KBTBD12: variants seen among roughly 807,000 people sequenced by gnomAD.
KBTBD12 encodes kelch repeat and BTB domain containing 12.
In KBTBD12, 53 loss-of-function variants were observed where a neutral mutation model predicts 58.7. The observed-to-expected ratio is 0.90, with a 90% CI of 0.72 to 1.14. The LOEUF (loss-of-function observed/expected upper bound fraction) is 1.14. Among genes scored for constraint, KBTBD12 ranks in the 50% most tolerant of loss-of-function variants. The pLI, the probability that KBTBD12 is intolerant of heterozygous loss-of-function variation, is 0.00. For missense variants in KBTBD12, 704 were observed against 751.3 expected (o/e 0.94, Z 0.74); for synonymous variants, 236 against 259.8 (o/e 0.91, Z 0.88).
rs138094704 is a variant in KBTBD12, at chr3:127,983,931, A to C, written c.1691-166A>C. ...CAGCCACCAGAATCGTGAGCCAAGTAAATGTCTTTTCTTGATAAACTACCC... is the reference window on the plus strand; with the variant it reads ...CAGCCACCAGAATCGTGAGCCAAGTCAATGTCTTTTCTTGATAAACTACCC... On this transcript the variant is annotated intron_variant, in intron 5 of 5. Transcript: ENST00000405109. 2.9e-4 allele frequency among the ~76,000 whole-genome samples: 44 copies of C among 152,264 alleles called. 1 individual carries two copies. Among genetic ancestry groups the C allele is most frequent in the African/African-American group, 1.0e-3 (42 of 41,544 alleles).
chr3:127,972,160 C>G (rs994160323), intron 5 of KBTBD12, among the ~76,000 whole-genome samples: 2 of 152,204 alleles, frequency 1.3e-5, no homozygotes, highest in Non-Finnish European at 2.9e-5. Flanking sequence ...TTATTTGATT[C>G]TCTCAACAGC....
At chr3:127,962,591 C>T (rs1940465739) in intron 4 of KBTBD12, among the ~76,000 whole-genome samples, 1 of 152,192 alleles carries the variant, frequency 6.6e-6, no homozygotes, top group Non-Finnish European at 1.5e-5. Context: ...CATTGCCTTA[C>T]ATATAATAGG....
chr3:127,917,487 C>T (rs1939278262), intron 1 of KBTBD12, among the ~76,000 whole-genome samples: 1 of 152,170 alleles, frequency 6.6e-6, no homozygotes, highest in Non-Finnish European at 1.5e-5. Flanking sequence ...GGCTTCATTA[C>T]ATAGGCATGC....
chr3:127,984,433 T>TG lies in KBTBD12; in HGVS notation c.*159dup. On this transcript the variant is annotated 3_prime_UTR_variant, in exon 6 of 6. Transcript: ENST00000405109. ...TGTGCTGGGCACTGGGTGGGGAGCA[T>TG]GGGGAGTCTCCCTTCAGGGACTTCC... 1 of 672,854 alleles carries TG rather than the reference T, an allele frequency of 1.5e-6. No homozygotes were observed. Among genetic ancestry groups the TG allele is most frequent in the Non-Finnish European group, 2.5e-6 (1 of 407,620 alleles). 41.7% of individuals were successfully genotyped at this position (672,854 alleles called of 1,614,324 possible).
Position 127,984,555 on chromosome 3 carries a change from C to A in KBTBD12, c.*277C>A. The A allele has an allele frequency of 3.1e-6, 1 of 318,642 alleles. No individual in the cohort carries two copies. The highest frequency in any genetic ancestry group is 4.8e-5 in the South Asian group (1 of 20,940). The allele number at this position is 318,642 out of a possible 1,614,324, so 19.7% of individuals were successfully genotyped here. A position where few individuals can be genotyped will look rare whatever the true frequency, so the allele number is the denominator to read the frequency against. On this transcript the variant is annotated 3_prime_UTR_variant, in exon 6 of 6. Coordinates refer to ENST00000405109, the MANE Select transcript of KBTBD12 (RefSeq NM_207335.4). ...GGAGAGCAGCAGAGGGAGGGTCTCA[C>A]TCTGCTGGGGACCCATGAACAGCAC...
At position 127,923,699 on chromosome 3, in the gene KBTBD12, T is replaced by C. The variant is rs1318133707; in HGVS notation, c.638T>C (p.Leu213Pro). The C allele has an allele frequency of 6.2e-7, 1 of 1,613,900 alleles. No homozygotes were observed. Among genetic ancestry groups the C allele is most frequent in the Non-Finnish European group, 8.5e-7 (1 of 1,179,834 alleles). ...AACAAAGAATTGCGTACAGTGCATC[T>C]TGTTGAGCTTTTGAAGCAAGTCAGA... Reference protein sequence around the residue: ...NHNKELRTVHLVELLKQVRLE... With the variant: ...NHNKELRTVHPVELLKQVRLE... The change falls in exon 2 of 6, where the codon CTT becomes CCT. Residue 213 changes from leucine to proline, a missense_variant. By Grantham distance (98) the Leu-to-Pro change is moderately conservative. Coordinates refer to ENST00000405109, the MANE Select transcript of KBTBD12 (RefSeq NM_207335.4).
In KBTBD12 at chr3:127,928,009, A is replaced by G. The variant is rs1939617461; in HGVS notation, c.1316A>G (p.Tyr439Cys). Residue 439 changes from tyrosine to cysteine, a missense_variant, in exon 3 of 6, where the codon TAT becomes TGT. Tyr to Cys is a radical substitution (Grantham distance 194). Coordinates refer to ENST00000405109, the MANE Select transcript of KBTBD12 (RefSeq NM_207335.4). The stretch of plus-strand genomic sequence containing the variant: ...GTAGTGACAGTGAATAATAAACTTT[A>G]TGTAATTGGAGGCTGGACCCCTCAG... ...HAVVTVNNKLYVIGGWTPQMD... is the reference protein window; with the variant it reads ...HAVVTVNNKLCVIGGWTPQMD... 1 of 1,613,464 alleles carries G rather than the reference A, an allele frequency of 6.2e-7. No homozygotes were observed. The highest frequency in any genetic ancestry group is 1.1e-5 in the South Asian group (1 of 91,060).
At chr3:127,957,284 T>C (rs1284730155) in intron 4 of KBTBD12, among the ~76,000 whole-genome samples, 1 of 152,234 alleles carries the variant, frequency 6.6e-6, no homozygotes, top group African/African-American at 2.4e-5. Flanking sequence ...ATTTCACAAA[T>C]ACTGTCAAGC....
chr3:127,953,789 A>T (rs1287638439), intron 4 of KBTBD12, among the ~76,000 whole-genome samples: 2 of 152,204 alleles, frequency 1.3e-5, no homozygotes, highest in Non-Finnish European at 2.9e-5. Flanking sequence ...AAAGGAATAG[A>T]TATGGCCAGA....
chr3:127,943,802 G>C (rs776288615), intron 4 of KBTBD12, among the ~76,000 whole-genome samples: 1 of 152,020 alleles, frequency 6.6e-6, no homozygotes, highest in East Asian at 1.9e-4. Flanking sequence ...TTTCTTCTAC[G>C]AGTTTTACCA....
rs369582825 is a variant in KBTBD12, at chr3:127,984,216, A to T, written c.1810A>T (p.Met604Leu). 4.9e-5 allele frequency: 79 copies of T among 1,613,878 alleles called. No individual in the cohort carries two copies. The highest frequency in any genetic ancestry group is 6.3e-5 in the Non-Finnish European group (74 of 1,179,884). Reference sequence around the variant, plus strand: ...CTATGATGTCTGCCTAGTAGCCAGGATGAATCCCCGAGACCTCATCCCCCC... The same window carrying T: ...CTATGATGTCTGCCTAGTAGCCAGGTTGAATCCCCGAGACCTCATCCCCCC... ...DSYDVCLVAR[M>L]NPRDLIPPPS... The change falls in exon 6 of 6, where the codon ATG becomes TTG. Residue 604 changes from methionine (M) to leucine (L), a missense_variant. Met to Leu is a conservative substitution (Grantham distance 15). Coordinates refer to ENST00000405109, the MANE Select transcript of KBTBD12 (RefSeq NM_207335.4).
intron 4 of KBTBD12, among the ~76,000 whole-genome samples, chr3:127,948,627 C>T (rs1485281514): frequency 6.6e-6 from 1 of 152,118 alleles, no homozygotes; most frequent in Non-Finnish European, 1.5e-5. Flanking sequence ...GCAAAGGGGC[C>T]TTTCAAAGTA....
At chr3:127,922,514 G>A (rs577323824) in intron 1 of KBTBD12, among the ~76,000 whole-genome samples, 1 of 152,212 alleles carries the variant, frequency 6.6e-6, no homozygotes, top group African/African-American at 2.4e-5. Context: ...TTTATGGACT[G>A]ACTATTATAA....
chr3:127,917,802 C>T (rs1241957305), intron 1 of KBTBD12, among the ~76,000 whole-genome samples: 1 of 152,104 alleles, frequency 6.6e-6, no homozygotes, highest in East Asian at 1.9e-4. Flanking sequence ...TTATCATGTA[C>T]AAAACCTAGA....
intron 5 of KBTBD12, among the ~76,000 whole-genome samples, chr3:127,983,780 TTC>T (rs888198611): frequency 1.3e-5 from 2 of 152,008 alleles, no homozygotes; most frequent in African/African-American, 4.8e-5. Context: ...CTTTCTTGAT[TTC>T]TCTCTTTTAC....
intron 4 of KBTBD12, among the ~76,000 whole-genome samples, chr3:127,953,396 T>C (rs1400099221): frequency 6.6e-6 from 1 of 152,228 alleles, no homozygotes; most frequent in African/African-American, 2.4e-5. Flanking sequence ...TTACTGCACA[T>C]TCACACAGCC....
chr3:127,987,378 A>G lies in KBTBD12; in HGVS notation c.*3100A>G, dbSNP rs1435333084. On this transcript the variant is annotated 3_prime_UTR_variant, in exon 6 of 6. Transcript: ENST00000405109. ...CGTTAGAAATTCAACTTCGAAATAT[A>G]TTCCTATCACTCCTGTTTTCACTTT... The G allele has an allele frequency of 6.6e-6, 1 of 152,222 alleles. No individual in the cohort carries two copies. The highest frequency in any genetic ancestry group is 1.5e-5 in the Non-Finnish European group (1 of 68,046). 9.4% of individuals were successfully genotyped at this position (152,222 alleles called of 1,614,324 possible). A position where few individuals can be genotyped will look rare whatever the true frequency, so the allele number is the denominator to read the frequency against.
At chr3:127,929,551 A>T (rs986397207) in intron 3 of KBTBD12, among the ~76,000 whole-genome samples, 4 of 152,192 alleles carry the variant, frequency 2.6e-5, no homozygotes, top group Non-Finnish European at 4.4e-5. Context: ...AATATATAAA[A>T]TAAGTATGTT....
At position 127,923,224 on chromosome 3, in the gene KBTBD12, T is replaced by C. The variant is rs769910975; in HGVS notation, c.163T>C (p.Tyr55His). The C allele has an allele frequency of 2.5e-6, 4 of 1,613,876 alleles. No homozygotes were observed. The highest frequency in any genetic ancestry group is 3.3e-5 in the Admixed American group (2 of 60,018). The change falls in exon 2 of 6, where the codon TAT becomes CAT. Residue 55 changes from tyrosine (Y) to histidine (H), a missense_variant. Transcript: ENST00000405109. ...ACTGGTCCTGGCTGCATTTAGCCCT[T>C]ATTTCAAAGCTATGTTCACCTGTGG... ...HRLVLAAFSP[Y>H]FKAMFTCGLL...
Sources: gnomAD v4.1 joint callset for allele counts (sites outside exome capture counted in the v4.1 genomes callset) on GRCh38, gnomAD v4.1.1 for gene constraint, MANE v1.5 for transcripts, NCBI Gene and HGNC (gene_info 2026-07-23, HGNC 2026-07-21) for gene names.